GABRG3: variants seen among roughly 807,000 people sequenced by gnomAD.
The protein encoded by GABRG3 is gamma-aminobutyric acid receptor subunit gamma-3.
GABRG3 carries 25 observed loss-of-function variants against 48.8 expected under a neutral mutation model. The observed-to-expected ratio is 0.51, with a 90% CI of 0.37 to 0.72. The LOEUF (loss-of-function observed/expected upper bound fraction) is 0.72, where lower values mean the gene tolerates loss of function less well. GABRG3 is among the 30% of genes least tolerant of loss of function. The probability of loss-of-function intolerance (pLI) is 0.00; values close to 1 mark genes in which losing one functional copy is unlikely to be tolerated. For missense variants in GABRG3, 394 were observed against 577.9 expected, an observed-to-expected ratio of 0.68 and a Z score of 3.26; for synonymous variants, 227 against 217.6, an observed-to-expected ratio of 1.04 and a Z score of -0.38.
chr15:27,130,502 C>G (rs1897898067), intron 3 of GABRG3, among the ~76,000 whole-genome samples: 1 of 152,040 alleles, frequency 6.6e-6, no homozygotes, highest in African/African-American at 2.4e-5. Context: ...TGTTCTTCTT[C>G]AAGACTATTT....
chr15:27,482,760 A>G (rs1007650549), intron 6 of GABRG3, among the ~76,000 whole-genome samples: 2 of 152,208 alleles, frequency 1.3e-5, no homozygotes, highest in African/African-American at 4.8e-5. Flanking sequence ...TAATTCTACT[A>G]GGGAACTTAT....
At chr15:27,436,143 C>G (rs1888602819) in intron 5 of GABRG3, among the ~76,000 whole-genome samples, 1 of 152,180 alleles carries the variant, frequency 6.6e-6, no homozygotes, top group African/African-American at 2.4e-5. Context: ...TCATTTCTCA[C>G]AATTCTGGAG....
intron 3 of GABRG3, among the ~76,000 whole-genome samples, chr15:27,302,059 G>C (rs11855513): frequency 0.024 from 3,708 of 152,076 alleles, 125 homozygotes; most frequent in East Asian, 0.094. Context: ...TGTTAAAACA[G>C]AAAGAATGAT....
chr15:27,216,566 G>A (rs1474404199), intron 3 of GABRG3, among the ~76,000 whole-genome samples: 1 of 151,978 alleles, frequency 6.6e-6, no homozygotes, highest in Non-Finnish European at 1.5e-5. Flanking sequence ...TGTTTTTAAG[G>A]CAAATCCACC....
intron 2 of GABRG3, among the ~76,000 whole-genome samples, chr15:27,024,237 T>C (rs899317764): frequency 1.3e-5 from 2 of 152,214 alleles, no homozygotes; most frequent in African/African-American, 4.8e-5. Flanking sequence ...AATTTACAAA[T>C]ATTTTCTCCC....
chr15:27,173,104 C>T (rs1469641093), intron 3 of GABRG3, among the ~76,000 whole-genome samples: 1 of 152,220 alleles, frequency 6.6e-6, no homozygotes, highest in African/African-American at 2.4e-5. Context: ...GTCTACATCA[C>T]ATCAAATGGT....
intron 3 of GABRG3, among the ~76,000 whole-genome samples, chr15:27,150,593 G>T (rs1363063370): frequency 6.6e-6 from 1 of 152,134 alleles, no homozygotes; most frequent in Non-Finnish European, 1.5e-5. Flanking sequence ...TATCAACTAC[G>T]TTGATCCCAA....
chr15:27,043,700 G>T (rs2140701948), intron 3 of GABRG3, among the ~76,000 whole-genome samples: 1 of 152,324 alleles, frequency 6.6e-6, no homozygotes, highest in African/African-American at 2.4e-5. Flanking sequence ...TCTTTTAACA[G>T]TGTGAGTTAG....
intron 3 of GABRG3, among the ~76,000 whole-genome samples, chr15:27,069,230 T>C (rs1595504887): frequency 6.6e-6 from 1 of 152,298 alleles, no homozygotes; most frequent in East Asian, 1.9e-4. Flanking sequence ...CTTCCAGGGT[T>C]TTATATTTGT....
intron 5 of GABRG3, among the ~76,000 whole-genome samples, chr15:27,474,536 G>A (rs1017121888): frequency 6.6e-6 from 1 of 152,148 alleles, no homozygotes; most frequent in African/African-American, 2.4e-5. Flanking sequence ...CTGCAAGCAA[G>A]GGCTCTGTGT....
At chr15:27,305,705 C>A (rs1307726770) in intron 3 of GABRG3, among the ~76,000 whole-genome samples, 3 of 45,002 alleles carry the variant, frequency 6.7e-5, no homozygotes, top group Non-Finnish European at 8.6e-5. Flanking sequence ...ATAATATAAA[C>A]CTATATGTTT....
At chr15:27,297,742 A>G (rs1463913884) in intron 3 of GABRG3, among the ~76,000 whole-genome samples, 1 of 152,146 alleles carries the variant, frequency 6.6e-6, no homozygotes, top group African/African-American at 2.4e-5. Flanking sequence ...CTTCTTTCAG[A>G]GATTTAAAAA....
Position 27,348,486 on chromosome 15 carries a change from T to C in GABRG3, c.574+19598T>C, listed in dbSNP as rs566709260. Among the ~76,000 whole-genome samples, 3 of 152,308 alleles carry C rather than the reference T, an allele frequency of 2.0e-5. No homozygotes were observed. In the South Asian group the frequency reaches 6.2e-4, roughly 32 times the overall value. ...CCACTGTGATAGGATTATGATTCTC[T>C]TCATTTTTTCAGATAGGGATACTGA... is the stretch of plus-strand genomic sequence containing the variant. On this transcript the variant is annotated intron_variant, in intron 5 of 9. Coordinates refer to ENST00000615808, the MANE Select transcript of GABRG3 (RefSeq NM_033223.5).
At chr15:27,334,598 C>T (rs139072561) in intron 5 of GABRG3, among the ~76,000 whole-genome samples, 121 of 152,240 alleles carry the variant, frequency 7.9e-4, no homozygotes, top group African/African-American at 2.5e-3. Context: ...GTGTCTTGAA[C>T]CTTATCTTTA....
intron 2 of GABRG3, among the ~76,000 whole-genome samples, chr15:27,024,442 C>G (rs1400091284): frequency 2.0e-5 from 3 of 152,162 alleles, no homozygotes; most frequent in African/African-American, 7.2e-5. Context: ...TTAGGCCTTA[C>G]AGTTAGGTCT....
chr15:27,131,872 C>G (rs1897922028), intron 3 of GABRG3, among the ~76,000 whole-genome samples: 1 of 151,876 alleles, frequency 6.6e-6, no homozygotes, highest in Non-Finnish European at 1.5e-5. Context: ...TTTCATTTCC[C>G]TGATGATTAG....
In GABRG3 at chr15:27,149,614, T is replaced by C. The variant is rs140941682; in HGVS notation, c.270+122793T>C. Among the ~76,000 whole-genome samples, 148 of 152,320 alleles carry C rather than the reference T, an allele frequency of 9.7e-4. 3 individuals are homozygous for C. The East Asian group carries it at 0.025, about 26-fold the overall frequency. ...TGCAAAACTACTGCAGTCAAGACAA[T>C]GTGATACTAGTATAACGATAGGCAT... On this transcript the variant is annotated intron_variant, in intron 3 of 9. Transcript: ENST00000615808.
At chr15:27,443,027 C>T (rs72707632) in intron 5 of GABRG3, among the ~76,000 whole-genome samples, 1 of 152,140 alleles carries the variant, frequency 6.6e-6, no homozygotes, top group African/African-American at 2.4e-5. Context: ...GTCAGTCCCC[C>T]AAATCCCTGT....
intron 5 of GABRG3, among the ~76,000 whole-genome samples, chr15:27,421,657 G>A (rs1283300840): frequency 6.6e-6 from 1 of 151,234 alleles, no homozygotes; most frequent in African/African-American, 2.4e-5. Context: ...CCAATACTGA[G>A]TGTTCTGAGG....
Sources: gnomAD v4.1 joint callset for allele counts (sites outside exome capture counted in the v4.1 genomes callset) on GRCh38, gnomAD v4.1.1 for gene constraint, MANE v1.5 for transcripts, NCBI Gene and HGNC (gene_info 2026-07-23, HGNC 2026-07-21) for gene names.